The following DLG2 variants were observed in gnomAD, a reference collection of about 807,000 sequenced individuals.
The protein encoded by DLG2 is discs large MAGUK scaffold protein 2, also known as disks large homolog 2.
DLG2 carries 45 observed loss-of-function variants against 132.5 expected under a neutral mutation model. The ratio of observed to expected loss-of-function variants is 0.34; its 90% confidence interval spans 0.27 to 0.44. DLG2 has a LOEUF of 0.44. DLG2 is among the 20% of genes least tolerant of loss of function. The pLI, the probability that DLG2 is intolerant of heterozygous loss-of-function variation, is 1.00. For missense variants in DLG2, 1,045 were observed against 1,196.9 expected (o/e 0.87, Z 1.87); for synonymous variants, 424 against 419.6 (o/e 1.01, Z -0.13).
intron 4 of DLG2, among the ~76,000 whole-genome samples, chr11:85,196,835 A>G (rs776620338): frequency 3.3e-5 from 5 of 152,200 alleles, no homozygotes; most frequent in Non-Finnish European, 5.9e-5. Context: ...AGCCAAATAT[A>G]AAGGAAAGTG....
chr11:83,460,999 GTTT>G lies in DLG2; in HGVS notation c.2821+1000_2821+1002del, dbSNP rs10591072. Among the ~76,000 whole-genome samples, 74 of 107,062 alleles carry G rather than the reference GTTT, an allele frequency of 6.9e-4. 1 individual carries two copies. The highest frequency in any genetic ancestry group is 2.4e-3 in the African/African-American group (67 of 27,918). 70.2% of individuals were successfully genotyped at this position (107,062 alleles called of 152,430 possible). A position where few individuals can be genotyped will look rare whatever the true frequency, so the allele number is the denominator to read the frequency against. ...GGTAATCCAGGAAGAAAGTTCTTGGGTTTTTTTTTTTTTTTTTTTTTTTTTTGA... is the reference window on the plus strand; with the variant it reads ...GGTAATCCAGGAAGAAAGTTCTTGGGTTTTTTTTTTTTTTTTTTTTTTTGA... On this transcript the variant is annotated intron_variant, in intron 27 of 27. Transcript: ENST00000376104.
At chr11:85,047,107 C>T (rs1402508259) in intron 6 of DLG2, among the ~76,000 whole-genome samples, 1 of 151,936 alleles carries the variant, frequency 6.6e-6, no homozygotes, top group Non-Finnish European at 1.5e-5. Context: ...TCTTCTTCTA[C>T]ACAATTTCCC....
At chr11:85,210,382 A>G (rs747077554) in intron 4 of DLG2, among the ~76,000 whole-genome samples, 2 of 152,018 alleles carry the variant, frequency 1.3e-5, no homozygotes, top group Non-Finnish European at 1.5e-5. Flanking sequence ...TTTGTATTGT[A>G]CTTCCTTCTG....
intron 12 of DLG2, among the ~76,000 whole-genome samples, chr11:83,975,026 T>A (rs1333714217): frequency 6.6e-6 from 1 of 152,082 alleles, no homozygotes; most frequent in East Asian, 1.9e-4. Context: ...TAAATTACAA[T>A]GTGCCAAGGG....
chr11:85,541,238 A>G (rs760329077), intron 3 of DLG2, among the ~76,000 whole-genome samples: 35 of 152,280 alleles, frequency 2.3e-4, no homozygotes, highest in Non-Finnish European at 3.7e-4. Flanking sequence ...TATTGAGACC[A>G]CTGCTAATCT....
At chr11:85,546,214 G>T (rs973301205) in intron 3 of DLG2, among the ~76,000 whole-genome samples, 1 of 152,170 alleles carries the variant, frequency 6.6e-6, no homozygotes, top group Non-Finnish European at 1.5e-5. Context: ...TGGTTTCAAA[G>T]ACCATCTTTA....
chr11:84,775,345 C>A (rs1425411742), intron 6 of DLG2, among the ~76,000 whole-genome samples: 1 of 152,108 alleles, frequency 6.6e-6, no homozygotes, highest in Non-Finnish European at 1.5e-5. Flanking sequence ...ATTAGTCCAG[C>A]CACTGTGGAA....
chr11:84,630,526 A>G (rs1223487956), intron 6 of DLG2, among the ~76,000 whole-genome samples: 1 of 152,212 alleles, frequency 6.6e-6, no homozygotes. Context: ...TCTTGATTGT[A>G]GGAACTTAAC....
At chr11:84,394,539 A>T (rs1462052257) in intron 7 of DLG2, among the ~76,000 whole-genome samples, 2 of 152,060 alleles carry the variant, frequency 1.3e-5, no homozygotes, top group African/African-American at 2.4e-5. Flanking sequence ...GCAGACTTTT[A>T]AAAAAATCTG....
At chr11:84,885,785 G>A (rs1255734097) in intron 6 of DLG2, among the ~76,000 whole-genome samples, 1 of 152,012 alleles carries the variant, frequency 6.6e-6, no homozygotes, top group Admixed American at 6.6e-5. Context: ...AGGATACAAC[G>A]TTCCAAGGAA....
intron 7 of DLG2, among the ~76,000 whole-genome samples, chr11:84,261,346 C>T (rs553452158): frequency 9.9e-5 from 15 of 152,278 alleles, no homozygotes; most frequent in African/African-American, 3.4e-4. Flanking sequence ...TTTCCTACAT[C>T]CTAAATCAGT....
intron 19 of DLG2, among the ~76,000 whole-genome samples, chr11:83,618,229 C>G (rs1023009849): frequency 7.2e-5 from 11 of 151,814 alleles, no homozygotes. Context: ...ATTATTCTTT[C>G]TGTTTTGGGA....
intron 3 of DLG2, among the ~76,000 whole-genome samples, chr11:85,437,912 T>C (rs537425672): frequency 1.7e-4 from 26 of 152,252 alleles, no homozygotes; most frequent in African/African-American, 6.3e-4. Context: ...TAGAGAACAA[T>C]ACTGTCTTAG....
intron 7 of DLG2, among the ~76,000 whole-genome samples, chr11:84,385,978 A>T (rs528282074): frequency 1.3e-5 from 2 of 152,150 alleles, no homozygotes. Flanking sequence ...CTAAGGAGTT[A>T]ACTGTGGAGG....
intron 6 of DLG2, among the ~76,000 whole-genome samples, chr11:84,825,612 T>C (rs185721330): frequency 4.5e-4 from 69 of 152,062 alleles, no homozygotes; most frequent in African/African-American, 1.6e-3. Flanking sequence ...CTATAATTAC[T>C]GAGGGCAACC....
intron 3 of DLG2, among the ~76,000 whole-genome samples, chr11:85,345,965 A>T (rs1390094656): frequency 6.6e-6 from 1 of 151,974 alleles, no homozygotes; most frequent in Non-Finnish European, 1.5e-5. Flanking sequence ...ACCCCAAAAG[A>T]GGGTTCTTGG....
chr11:84,949,034 G>C (rs2154101488), intron 6 of DLG2, among the ~76,000 whole-genome samples: 1 of 152,210 alleles, frequency 6.6e-6, no homozygotes, highest in Admixed American at 6.5e-5. Context: ...CTTTTCGGAG[G>C]ACCCGCCCCG....
intron 4 of DLG2, among the ~76,000 whole-genome samples, chr11:85,232,867 T>C (rs2075373584): frequency 6.6e-6 from 1 of 151,966 alleles, no homozygotes; most frequent in South Asian, 2.1e-4. Flanking sequence ...ATTTAATTCA[T>C]GGCACTTTGC....
intron 22 of DLG2, among the ~76,000 whole-genome samples, chr11:83,482,796 G>C (rs143809924): frequency 1.3e-5 from 2 of 152,146 alleles, no homozygotes; most frequent in African/African-American, 4.8e-5. Context: ...TAACAGCAAA[G>C]TGCAACCCAA....
Sources: allele counts gnomAD v4.1 joint callset (sites outside exome capture counted in the v4.1 genomes callset), GRCh38; gene constraint gnomAD v4.1.1; transcripts MANE v1.5; gene names NCBI Gene and HGNC (gene_info 2026-07-23, HGNC 2026-07-21).